DCAF5: variants seen among roughly 807,000 people sequenced by gnomAD.
DCAF5 encodes the protein DDB1- and CUL4-associated factor 5.
Under a neutral mutation model 80.7 loss-of-function variants are expected in DCAF5, and 9 were observed. The observed-to-expected ratio is 0.11, with a 90% confidence interval of 0.07 to 0.19. The LOEUF (loss-of-function observed/expected upper bound fraction) is 0.19. Ranked by LOEUF, DCAF5 falls within the 10% of genes least tolerant of loss-of-function variation. The probability of loss-of-function intolerance (pLI) is 1.00; values close to 1 mark genes in which losing one functional copy is unlikely to be tolerated. For synonymous variants in DCAF5, 433 were observed against 461.9 expected (o/e 0.94, Z 0.80); for missense variants, 842 against 1,205.7 (o/e 0.70, Z 4.47).
rs541440387 is a variant in DCAF5 at position 69,148,538 on chromosome 14, T to A, written c.214+4227A>T. ...GGTGAAACCCCGTTTCTACTAAAAATACAAAAATTAGCCAGGTGTGGAGGC... is the reference window on the plus strand; with the variant it reads ...GGTGAAACCCCGTTTCTACTAAAAAAACAAAAATTAGCCAGGTGTGGAGGC... On this transcript the variant is annotated intron_variant, in intron 1 of 8. Coordinates refer to ENST00000341516, the MANE Select transcript of DCAF5 (RefSeq NM_003861.3). Among the ~76,000 whole-genome samples the A allele has an allele frequency of 2.0e-5, 3 of 152,028 alleles. No homozygotes were observed. The South Asian group carries it at 6.2e-4, about 32-fold the overall frequency.
intron 1 of DCAF5, among the ~76,000 whole-genome samples, chr14:69,139,034 C>G (rs898734998): frequency 3.3e-5 from 5 of 151,778 alleles, no homozygotes; most frequent in Non-Finnish European, 7.4e-5. Context: ...GCTTGTAGTC[C>G]CAGCTACTCC....
At chr14:69,063,390 C>G (rs1218081872) in intron 7 of DCAF5, among the ~76,000 whole-genome samples, 1 of 152,210 alleles carries the variant, frequency 6.6e-6, no homozygotes, top group Non-Finnish European at 1.5e-5. Flanking sequence ...CACATAAATT[C>G]TGATCAAGTT....
Position 69,053,882 on chromosome 14 carries a change from G to A in DCAF5, c.2804C>T (p.Ser935Phe). The A allele has an allele frequency of 6.2e-7, 1 of 1,607,630 alleles. No individual in the cohort carries two copies. Among genetic ancestry groups the A allele is most frequent in the Non-Finnish European group, 8.5e-7 (1 of 1,178,752 alleles). Residue 935 changes from serine to phenylalanine, a missense_variant, in exon 9 of 9, where the codon TCC (serine) becomes TTC (phenylalanine). By Grantham distance (155) the Ser-to-Phe change is radical (BLOSUM62 -2). Around this residue, in one of 5 missense-constraint regions of DCAF5, gnomAD observed 607 missense variants for 656.6 expected, o/e 0.92. Transcript: ENST00000341516. ...TCATGTTTTTAATTTCTTCTCTGAGGAGGAATTCTCTGAATCTGTATCTTC... is the reference window on the plus strand; with the variant it reads ...TCATGTTTTTAATTTCTTCTCTGAGAAGGAATTCTCTGAATCTGTATCTTC... Reference protein sequence around the residue: ...ELEDTDSENSSSEKKLKT With the variant: ...ELEDTDSENSFSEKKLKT
intron 1 of DCAF5, among the ~76,000 whole-genome samples, chr14:69,128,418 TC>T (rs1344125571): frequency 6.6e-6 from 1 of 152,178 alleles, no homozygotes; most frequent in Non-Finnish European, 1.5e-5. Context: ...ACTCCTGACT[TC>T]AAGTGATCTG....
Position 69,051,290 on chromosome 14 carries a change from G to A in DCAF5, c.*2567C>T, listed in dbSNP as rs2037752770. On this transcript the variant is annotated 3_prime_UTR_variant, in exon 9 of 9. Coordinates refer to ENST00000341516, the MANE Select transcript of DCAF5 (RefSeq NM_003861.3). Reference sequence around the variant, plus strand: ...GCTATTAAAAATATCTATTATGGAAGAAATTGGGTATTAAATGTGCCATCA... The same window carrying A: ...GCTATTAAAAATATCTATTATGGAAAAAATTGGGTATTAAATGTGCCATCA... 6.6e-6 allele frequency: 1 copy of A among 152,652 alleles called. No homozygotes were observed. 9.5% of individuals were successfully genotyped at this position (152,652 alleles called of 1,614,324 possible). A position where few individuals can be genotyped will look rare whatever the true frequency, so the allele number is the denominator to read the frequency against.
chr14:69,074,091 T>G (rs148685247), intron 7 of DCAF5, among the ~76,000 whole-genome samples: 135 of 152,282 alleles, frequency 8.9e-4, no homozygotes, highest in African/African-American at 3.1e-3. Context: ...ATGCCAAAAG[T>G]AGGCCCCAAC....
chr14:69,108,796 A>G (rs1186764696), intron 5 of DCAF5, among the ~76,000 whole-genome samples: 1 of 152,192 alleles, frequency 6.6e-6, no homozygotes, highest in Admixed American at 6.5e-5. Context: ...ACCAGAAGGC[A>G]TGCCCCCGAC....
At chr14:69,128,751 G>C (rs2040950464) in intron 1 of DCAF5, among the ~76,000 whole-genome samples, 2 of 152,206 alleles carry the variant, frequency 1.3e-5, no homozygotes, top group South Asian at 4.2e-4. Flanking sequence ...CTGGGTAACA[G>C]AGCAAGACTC....
Position 69,055,095 on chromosome 14 carries a change from A to G in DCAF5, c.1591T>C (p.Ser531Pro), listed in dbSNP as rs1388150207. ...DKRLLALSNESDSEENVCEVE... is the reference protein window; with the variant it reads ...DKRLLALSNEPDSEENVCEVE... Reference sequence around the variant, plus strand: ...TCACAGACATTCTCCTCAGAATCGGACTCATTGGAAAGGGCCAGGAGGCGT... The same window carrying G: ...TCACAGACATTCTCCTCAGAATCGGGCTCATTGGAAAGGGCCAGGAGGCGT... The change falls in exon 9 of 9, where the codon TCC becomes CCC. Residue 531 changes from serine to proline, a missense_variant. Ser to Pro is a moderately conservative substitution (Grantham distance 74, BLOSUM62 -1). Coordinates refer to ENST00000341516, the MANE Select transcript of DCAF5 (RefSeq NM_003861.3). This position sits in a 1 kb window ranked among gnomAD's most constrained non-coding sequence, Gnocchi z 5.6. 1 of 1,613,840 alleles carries G rather than the reference A, an allele frequency of 6.2e-7. No homozygotes were observed. The highest frequency in any genetic ancestry group is 1.7e-5 in the Admixed American group (1 of 59,994).
At chr14:69,069,045 T>C (rs961757458) in intron 7 of DCAF5, among the ~76,000 whole-genome samples, 1 of 152,200 alleles carries the variant, frequency 6.6e-6, no homozygotes, top group Non-Finnish European at 1.5e-5. Context: ...CTCACATGTG[T>C]TTATAACCAA....
At chr14:69,127,137 A>T (rs2040902838) in intron 1 of DCAF5, among the ~76,000 whole-genome samples, 1 of 152,116 alleles carries the variant, frequency 6.6e-6, no homozygotes, top group Non-Finnish European at 1.5e-5. Context: ...GCTCCTTGGT[A>T]TTTAACCAAA....
chr14:69,067,995 G>C (rs1352542412), intron 7 of DCAF5, among the ~76,000 whole-genome samples: 3 of 152,128 alleles, frequency 2.0e-5, no homozygotes, highest in Non-Finnish European at 4.4e-5. Flanking sequence ...AGAAATAAAG[G>C]GGCTGAAATC....
chr14:69,075,435 A>T, intron 6 of DCAF5, 24 bp from the exon 7 acceptor site: 6 of 1,368,726 alleles, frequency 4.4e-6, no homozygotes, highest in African/African-American at 1.4e-5. Flanking sequence ...AAATATATAG[A>T]TAACATTATA....
In DCAF5 at chr14:69,052,250, G is replaced by A. The variant is rs969427186; in HGVS notation, c.*1607C>T. On this transcript the variant is annotated 3_prime_UTR_variant, in exon 9 of 9. Coordinates refer to ENST00000341516, the MANE Select transcript of DCAF5 (RefSeq NM_003861.3). ...AATAACCCCCCCACCCCCAGTGCCT[G>A]AATTCATCCACATCTTCTGCCTTCA... The A allele has an allele frequency of 3.3e-5, 5 of 152,454 alleles. No homozygotes were observed. Among genetic ancestry groups the A allele is most frequent in the African/African-American group, 1.2e-4 (5 of 41,380 alleles). 9.4% of individuals were successfully genotyped at this position (152,454 alleles called of 1,614,324 possible).
At chr14:69,145,970 A>C (rs1424270405) in intron 1 of DCAF5, among the ~76,000 whole-genome samples, 1 of 152,228 alleles carries the variant, frequency 6.6e-6, no homozygotes, top group Non-Finnish European at 1.5e-5. Context: ...CCTACTTCTT[A>C]ACTTGGAATT....
At chr14:69,141,139 TAAAAAAAA>T (rs11396838) in intron 1 of DCAF5, among the ~76,000 whole-genome samples, 846 of 59,436 alleles carry the variant, frequency 0.014, 17 homozygotes, top group African/African-American at 0.042. Flanking sequence ...ATCTCAAATT[TAAAAAAAA>T]AAAAAAAAAA....
chr14:69,119,098 T>C, intron 3 of DCAF5, 96 bp downstream of exon 3: 4 of 1,279,890 alleles, frequency 3.1e-6, no homozygotes, highest in Non-Finnish European at 4.3e-6. Context: ...GTTGTTTTTT[T>C]CAAAAAACAA....
At chr14:69,119,155 AC>A (rs1342893233) in intron 3 of DCAF5, 38 bp downstream of exon 3, 3 of 1,600,490 alleles carry the variant, frequency 1.9e-6, no homozygotes, top group Non-Finnish European at 2.6e-6. Flanking sequence ...TATATGAAAA[AC>A]AAAGTCAATC....
chr14:69,097,868 C>A (rs1455621707), intron 5 of DCAF5, among the ~76,000 whole-genome samples: 2 of 152,042 alleles, frequency 1.3e-5, no homozygotes, highest in Non-Finnish European at 2.9e-5. Context: ...GGATTTCAGG[C>A]ATGAGCCACC....
Sources: allele counts gnomAD v4.1 joint callset (sites outside exome capture counted in the v4.1 genomes callset), GRCh38; gene constraint gnomAD v4.1.1; regional missense constraint gnomAD v4.1.1; non-coding constraint Gnocchi (gnomAD v3.1); transcripts MANE v1.5; gene names NCBI Gene and HGNC (gene_info 2026-07-23, HGNC 2026-07-21).